The following GPR161 variants were observed in gnomAD, a reference collection of about 807,000 sequenced individuals.
GPR161 encodes G protein-coupled receptor 161, also known as G-protein coupled receptor RE2.
Under a neutral mutation model 39.2 loss-of-function variants are expected in GPR161, and 25 were observed. The ratio of observed to expected loss-of-function variants is 0.64; its 90% CI spans 0.47 to 0.89. The LOEUF (loss-of-function observed/expected upper bound fraction) is 0.89, where lower values mean the gene tolerates loss of function less well. Ranked by LOEUF, GPR161 falls within the 40% of genes least tolerant of loss-of-function variation. The probability of loss-of-function intolerance (pLI) is 0.00; values close to 1 mark genes in which losing one functional copy is unlikely to be tolerated. For synonymous variants in GPR161, 286 were observed against 276.6 expected (o/e 1.03, Z -0.34); for missense variants, 547 against 677.8 (o/e 0.81, Z 2.14).
chr1:168,110,387 T>C (rs1023887594), intron 1 of GPR161, among the ~76,000 whole-genome samples: 17 of 151,312 alleles, frequency 1.1e-4, no homozygotes, highest in Admixed American at 1.1e-3. Context: ...TCCCAGCTAC[T>C]TGGGAGGCTG....
chr1:168,137,093 G>T, upstream of GPR161: 1 of 475,126 alleles, frequency 2.1e-6, no homozygotes, highest in Non-Finnish European at 2.6e-6. Context: ...CCGTCCGCCC[G>T]CCCTCCCGGC....
chr1:168,136,295 T>A, intron 1 of GPR161: 1 of 1,456,764 alleles, frequency 6.9e-7, no homozygotes, highest in East Asian at 2.9e-5. Context: ...CGTGACCGCT[T>A]CTCCCCACAC....
At position 168,085,551 on chromosome 1, in the gene GPR161, A is replaced by T; in HGVS notation, c.1570T>A (p.Leu524Ile). 6.2e-7 allele frequency: 1 copy of T among 1,613,206 alleles called. No individual in the cohort carries two copies. Among genetic ancestry groups the T allele is most frequent in the Non-Finnish European group, 8.5e-7 (1 of 1,179,494 alleles). The change falls in exon 6 of 6, where the codon TTA (leucine) becomes ATA (isoleucine). Residue 524 changes from leucine (L) to isoleucine (I), a missense_variant. Coordinates refer to ENST00000682931, the MANE Select transcript of GPR161 (RefSeq NM_001375883.1). The part of the protein sequence containing the change: ...QLQSIEEGDV[L>I]AAEQR ...GGCCCTCATCTCTGCTCGGCAGCTA[A>T]AACATCTCCTTCTTCGATGCTCTGC...
At chr1:168,114,583 G>A (rs548801340) in intron 1 of GPR161, 11 of 151,378 alleles carry the variant, frequency 7.3e-5, no homozygotes, top group African/African-American at 2.7e-4. Context: ...CACAGATGCT[G>A]AAGCCAACTG....
chr1:168,085,526 G>A lies in GPR161; in HGVS notation c.*5C>T. The A allele has an allele frequency of 6.2e-7, 1 of 1,606,604 alleles. No homozygotes were observed. Among genetic ancestry groups the A allele is most frequent in the Non-Finnish European group, 8.5e-7 (1 of 1,174,468 alleles). On this transcript the variant is annotated 3_prime_UTR_variant, in exon 6 of 6. Coordinates refer to ENST00000682931, the MANE Select transcript of GPR161 (RefSeq NM_001375883.1). ...AGGCTGCAGCCCCACGGCACCCTGA[G>A]GCCCTCATCTCTGCTCGGCAGCTAA...
At chr1:168,136,974 GC>G, upstream of GPR161, 1 of 488,776 alleles carries the variant, frequency 2.0e-6, no homozygotes, top group Non-Finnish European at 2.3e-6. Context: ...CCCACGCCCG[GC>G]CGGGCCCCTC....
At position 168,119,248 on chromosome 1, in the gene GPR161, A is replaced by ATATATATGTATACATG. The variant is rs1558129906; in HGVS notation, c.-44-14355_-44-14354insCATGTATACATATATA. Among the ~76,000 whole-genome samples the ATATATATGTATACATG allele has an allele frequency of 7.8e-5, 9 of 115,542 alleles. 1 individual carries two copies. The highest frequency in any genetic ancestry group is 3.5e-4 in the African/African-American group (9 of 25,490). The allele number at this position is 115,542 out of a possible 152,430, so 75.8% of individuals were successfully genotyped here. A position where few individuals can be genotyped will look rare whatever the true frequency, so the allele number is the denominator to read the frequency against. ...TATACGTATATATATATATACACAT[A>ATATATATGTATACATG]TATATATACGTATATATATGTGTAT... On this transcript the variant is annotated intron_variant, in intron 1 of 5. Coordinates refer to ENST00000682931, the MANE Select transcript of GPR161 (RefSeq NM_001375883.1).
At chr1:168,100,235 G>C (rs12401555) in intron 2 of GPR161, among the ~76,000 whole-genome samples, 42,954 of 134,508 alleles carry the variant, frequency 0.32, 7,611 homozygotes, top group Admixed American at 0.43. Context: ...AAAAAAAAAG[G>C]ATATAGAACA....
intron 2 of GPR161, 113 bp from the exon 3 acceptor site, chr1:168,097,345 C>A: frequency 9.1e-7 from 1 of 1,100,644 alleles, no homozygotes; most frequent in Non-Finnish European, 1.3e-6. Context: ...AAAGCAGCAC[C>A]TTCTCCCAAG....
intron 1 of GPR161, among the ~76,000 whole-genome samples, chr1:168,129,080 T>TA (rs1373877459): frequency 1.3e-5 from 2 of 152,172 alleles, no homozygotes; most frequent in African/African-American, 4.8e-5. Context: ...CAAATAAATT[T>TA]AAAAAATAGG....
intron 4 of GPR161, chr1:168,088,973 T>C (rs1427096407): frequency 6.6e-6 from 1 of 152,228 alleles, no homozygotes; most frequent in Admixed American, 6.5e-5. Flanking sequence ...GACACATTCA[T>C]CATCTTTCAA....
intron 2 of GPR161, among the ~76,000 whole-genome samples, chr1:168,101,311 A>G (rs1696082414): frequency 6.6e-6 from 1 of 152,128 alleles, no homozygotes; most frequent in South Asian, 2.1e-4. Context: ...ACCCCTGGGT[A>G]TACGTGGCAA....
chr1:168,086,127 AT>A (rs1376099842), intron 5 of GPR161, among the ~76,000 whole-genome samples: 2 of 152,262 alleles, frequency 1.3e-5, no homozygotes. Context: ...AAAAGACTTG[AT>A]AAATACTTTC....
chr1:168,114,562 A>G (rs1697469215), intron 1 of GPR161: 1 of 152,144 alleles, frequency 6.6e-6, no homozygotes, highest in Admixed American at 6.5e-5. Context: ...GTCTCAAAAA[A>G]AAAAAAAAGG....
At chr1:168,088,561 T>A (rs755704592) in intron 4 of GPR161, 1 of 152,248 alleles carries the variant, frequency 6.6e-6, no homozygotes, top group Non-Finnish European at 1.5e-5. Flanking sequence ...CGGACAGACC[T>A]AGGATCACTG....
chr1:168,134,766 C>T (rs1699241680), intron 1 of GPR161: 4 of 689,712 alleles, frequency 5.8e-6, no homozygotes, highest in South Asian at 5.1e-5. Flanking sequence ...GGAGCCCCAC[C>T]GCACCTGCAG....
In GPR161 at chr1:168,087,596, T is replaced by C. The variant is rs1004854430; in HGVS notation, c.1313A>G (p.Glu438Gly). The C allele has an allele frequency of 5.0e-6, 8 of 1,614,024 alleles. No homozygotes were observed. The highest frequency in any genetic ancestry group is 6.8e-6 in the Non-Finnish European group (8 of 1,179,986). ...TCACAGAAGCCAACCTTTGATTTGT[T>C]CCACTTCATCCTCAAATGTCACCGA... ...RSSVTFEDEVEQIKEAAKNSI... is the reference protein window; with the variant it reads ...RSSVTFEDEVGQIKEAAKNSI... The change falls in exon 5 of 6, where the codon GAA becomes GGA. Residue 438 changes from glutamate (E) to glycine (G), a missense_variant. Coordinates refer to ENST00000682931, the MANE Select transcript of GPR161 (RefSeq NM_001375883.1).
chr1:168,128,478 C>G (rs147976086), intron 1 of GPR161, among the ~76,000 whole-genome samples: 3 of 151,950 alleles, frequency 2.0e-5, no homozygotes, highest in African/African-American at 7.3e-5. Flanking sequence ...TCAGTAGTGC[C>G]GAGGTTGAGA....
At chr1:168,090,353 C>A (rs1369483341) in intron 4 of GPR161, 1 of 484,426 alleles carries the variant, frequency 2.1e-6, no homozygotes, top group East Asian at 3.2e-5. Flanking sequence ...GAACTGACAG[C>A]CCCATTTTGT....
Sources: gnomAD v4.1 joint callset for allele counts (sites outside exome capture counted in the v4.1 genomes callset) on GRCh38, gnomAD v4.1.1 for gene constraint, MANE v1.5 for transcripts, NCBI Gene and HGNC (gene_info 2026-07-23, HGNC 2026-07-21) for gene names.